SYT2: variants seen among roughly 807,000 people sequenced by gnomAD.
The protein encoded by SYT2 is synaptotagmin 2.
In SYT2, 15 loss-of-function variants were observed where a neutral mutation model predicts 39.9. The ratio of observed to expected loss-of-function variants is 0.38; its 90% CI spans 0.25 to 0.58. The LOEUF is 0.58. SYT2 is among the 20% of genes least tolerant of loss of function. The pLI, the probability that SYT2 is intolerant of heterozygous loss-of-function variation, is 0.70. For missense variants in SYT2, 389 were observed against 530.3 expected (o/e 0.73, Z 2.62); for synonymous variants, 181 against 204.5 (o/e 0.89, Z 0.98).
intron 1 of SYT2, among the ~76,000 whole-genome samples, chr1:202,708,687 G>T (rs528440094): frequency 6.6e-6 from 1 of 152,266 alleles, no homozygotes; most frequent in South Asian, 2.1e-4. Context: ...ACACGCTGCA[G>T]CTTGCAGTGC....
rs769330585 is a variant in SYT2, at chr1:202,604,616, G to A, written c.184C>T (p.Pro62Ser). 2 of 1,614,016 alleles carry A rather than the reference G, an allele frequency of 1.2e-6. No individual in the cohort carries two copies. The highest frequency in any genetic ancestry group is 8.5e-7 in the Non-Finnish European group (1 of 1,179,968). The change falls in exon 3 of 9, where the codon CCC (proline) becomes TCC (serine). Residue 62 changes from proline to serine, a missense_variant. By Grantham distance (74) the Pro-to-Ser change is moderately conservative (BLOSUM62 -1). Transcript: ENST00000367268. ...FNEINKIPLP[P>S]WALIAIAVVA... is the part of the protein sequence containing the mutation. The stretch of plus-strand genomic sequence containing the variant: ...ACAGCAATGGCGATCAGTGCCCAGG[G>A]TGGTACTGCCCACACAGAGAAGATC...
intron 1 of SYT2, among the ~76,000 whole-genome samples, chr1:202,706,851 T>G (rs1033301003): frequency 6.6e-6 from 1 of 152,226 alleles, no homozygotes; most frequent in Non-Finnish European, 1.5e-5. Context: ...CAGGGGCTAC[T>G]TCTAAAATAA....
chr1:202,668,514 G>T (rs1692522743), intron 1 of SYT2, among the ~76,000 whole-genome samples: 1 of 152,166 alleles, frequency 6.6e-6, no homozygotes, highest in South Asian at 2.1e-4. Context: ...TAAAAGCTCT[G>T]GGGCAAATAG....
At chr1:202,696,110 T>A (rs1366841583) in intron 1 of SYT2, among the ~76,000 whole-genome samples, 1 of 152,224 alleles carries the variant, frequency 6.6e-6, no homozygotes, top group Non-Finnish European at 1.5e-5. Context: ...TCAAATCTCC[T>A]CATTTTACAA....
chr1:202,615,477 A>G (rs529136061), intron 1 of SYT2, among the ~76,000 whole-genome samples: 50 of 152,184 alleles, frequency 3.3e-4, no homozygotes, highest in African/African-American at 1.1e-3. Flanking sequence ...TGCCTTCCAA[A>G]TCTGGCCACT....
At chr1:202,707,704 C>A (rs1654288836) in intron 1 of SYT2, among the ~76,000 whole-genome samples, 1 of 152,180 alleles carries the variant, frequency 6.6e-6, no homozygotes. Flanking sequence ...TATCTACTCT[C>A]CCCTGAGAGG....
chr1:202,604,842 T>TTTTC (rs1690647043), intron 2 of SYT2, among the ~76,000 whole-genome samples: 1 of 80,088 alleles, frequency 1.2e-5, no homozygotes, highest in African/African-American at 3.5e-5. Flanking sequence ...TTTTTTTTTT[T>TTTTC]TGCCTACTGT....
At chr1:202,695,398 C>T (rs35515445) in intron 1 of SYT2, among the ~76,000 whole-genome samples, 16 of 152,326 alleles carry the variant, frequency 1.1e-4, no homozygotes, top group African/African-American at 3.8e-4. Flanking sequence ...AACCCATCTC[C>T]AGCCCTTGTT....
chr1:202,640,417 C>T (rs1395961536), intron 1 of SYT2, among the ~76,000 whole-genome samples: 1 of 152,180 alleles, frequency 6.6e-6, no homozygotes, highest in Non-Finnish European at 1.5e-5. Flanking sequence ...CTAGGGTAAA[C>T]TTCAGTCCCG....
Position 202,596,620 on chromosome 1 carries a change from A to G in SYT2, c.*137T>C. On this transcript the variant is annotated 3_prime_UTR_variant, in exon 9 of 9. Coordinates refer to ENST00000367268, the MANE Select transcript of SYT2 (RefSeq NM_177402.5). Reference sequence around the variant, plus strand: ...GGGAAGTTGGTCTTTAAAAAGAGAAAAACAAGGAAAAACAAGGACACAACC... The same window carrying G: ...GGGAAGTTGGTCTTTAAAAAGAGAAGAACAAGGAAAAACAAGGACACAACC... 1.5e-6 allele frequency: 1 copy of G among 653,064 alleles called. No individual in the cohort carries two copies. Among genetic ancestry groups the G allele is most frequent in the Non-Finnish European group, 2.1e-6 (1 of 478,596 alleles). The allele number at this position is 653,064 out of a possible 1,614,324, so 40.5% of individuals were successfully genotyped here.
intron 4 of SYT2, 80 bp downstream of exon 4, chr1:202,602,919 G>A (rs1336882857): frequency 4.6e-6 from 7 of 1,535,174 alleles, no homozygotes; most frequent in South Asian, 2.4e-5. Flanking sequence ...ATCTCTGAGG[G>A]AGCTGTTTCT....
intron 1 of SYT2, among the ~76,000 whole-genome samples, chr1:202,709,887 G>A (rs1464264653): frequency 6.6e-6 from 1 of 152,086 alleles, no homozygotes; most frequent in Non-Finnish European, 1.5e-5. Flanking sequence ...TGGGCTAGAC[G>A]CGAGTGGGTT....
chr1:202,683,612 A>G (rs776899646), intron 1 of SYT2, among the ~76,000 whole-genome samples: 2 of 152,084 alleles, frequency 1.3e-5, no homozygotes, highest in Non-Finnish European at 2.9e-5. Context: ...GTGGTGGTGC[A>G]TGCCTGTGGT....
intron 1 of SYT2, among the ~76,000 whole-genome samples, chr1:202,696,589 T>C (rs958359362): frequency 1.4e-4 from 22 of 152,214 alleles, no homozygotes; most frequent in African/African-American, 5.1e-4. Context: ...TTCATCACAG[T>C]TGCACAGAGA....
chr1:202,650,319 G>T (rs958523205), intron 1 of SYT2, among the ~76,000 whole-genome samples: 1 of 152,204 alleles, frequency 6.6e-6, no homozygotes, highest in Non-Finnish European at 1.5e-5. Flanking sequence ...CTTGCACGCA[G>T]TGACACTTCC....
intron 1 of SYT2, among the ~76,000 whole-genome samples, chr1:202,664,652 C>G (rs1057203484): frequency 2.6e-5 from 4 of 152,134 alleles, no homozygotes; most frequent in Admixed American, 2.6e-4. Context: ...TGGGATGGCT[C>G]CTTTTACTCA....
At chr1:202,702,233 C>A (rs1028947572) in intron 1 of SYT2, among the ~76,000 whole-genome samples, 1 of 152,206 alleles carries the variant, frequency 6.6e-6, no homozygotes, top group African/African-American at 2.4e-5. Context: ...GGCTGGCTTG[C>A]CAATGGCAGG....
chr1:202,609,185 T>C (rs2149075280), intron 1 of SYT2, among the ~76,000 whole-genome samples: 1 of 152,048 alleles, frequency 6.6e-6, no homozygotes, highest in African/African-American at 2.4e-5. Context: ...GCTTCATCCA[T>C]GTCCCTACAA....
Position 202,634,409 on chromosome 1 carries a change from T to C in SYT2, c.-17-28620A>G, listed in dbSNP as rs563615097. ...GCGCATGCCTGTAATCCCAGCTACT[T>C]GGGAGGCTGAGGCAGCAGAATTGCT... On this transcript the variant is annotated intron_variant, in intron 1 of 8. Transcript: ENST00000367268. Among the ~76,000 whole-genome samples, 45 of 151,788 alleles carry C rather than the reference T, an allele frequency of 3.0e-4. 1 individual carries two copies. The East Asian group carries it at 6.8e-3, about 23-fold the overall frequency.
Sources: allele counts gnomAD v4.1 joint callset (sites outside exome capture counted in the v4.1 genomes callset), GRCh38; gene constraint gnomAD v4.1.1; transcripts MANE v1.5; gene names NCBI Gene and HGNC (gene_info 2026-07-23, HGNC 2026-07-21).